The following ZBTB48 variants were observed in gnomAD, a reference collection of about 807,000 sequenced individuals.
ZBTB48 encodes the protein zinc finger and BTB domain containing 48.
ZBTB48 carries 35 observed loss-of-function variants against 64.5 expected under a neutral mutation model. That is an observed-to-expected ratio of 0.54 (90% CI 0.41 to 0.72). The LOEUF (loss-of-function observed/expected upper bound fraction) is 0.72. Among genes scored for constraint, ZBTB48 ranks in the 30% least tolerant of loss-of-function variants. The pLI is 0.00. For synonymous variants in ZBTB48, 442 were observed against 356.7 expected, an observed-to-expected ratio of 1.24 and a Z score of -2.70; for missense variants, 828 against 895.3, an observed-to-expected ratio of 0.92 and a Z score of 0.96.
At chr1:6,586,572 C>G in intron 4 of ZBTB48, 123 bp from the exon 5 acceptor site, 1 of 1,368,348 alleles carries the variant, frequency 7.3e-7, no homozygotes, top group South Asian at 1.5e-5. Context: ...CCTCTCCCAC[C>G]CTAGCGTCCC....
Position 6,581,215 on chromosome 1 carries a change from T to G in ZBTB48, c.606T>G (p.Leu202=), listed in dbSNP as rs760974715. 11 of 1,613,224 alleles carry G rather than the reference T, an allele frequency of 6.8e-6. No homozygotes were observed. In the South Asian group the frequency reaches 1.1e-4, roughly 16 times the overall value. Residue 202 remains leucine (L), a synonymous_variant, in exon 2 of 11, where the codon CTT becomes CTG. Coordinates refer to ENST00000377674, the MANE Select transcript of ZBTB48 (RefSeq NM_005341.4). The part of the protein sequence containing the change: ...KLKQALKPCP[L]EDKKPEDCKV... ...AGCAGGCCTTGAAGCCTTGTCCCCTTGAGGACAAGAAACCCGAGGACTGCA... is the reference window on the plus strand; with the variant it reads ...AGCAGGCCTTGAAGCCTTGTCCCCTGGAGGACAAGAAACCCGAGGACTGCA...
In ZBTB48 at chr1:6,580,562, C is replaced by T. The variant is rs370402609; in HGVS notation, c.-48C>T. The T allele has an allele frequency of 5.7e-6, 9 of 1,571,160 alleles. No homozygotes were observed. Among genetic ancestry groups the T allele is most frequent in the Non-Finnish European group, 6.9e-6 (8 of 1,155,546 alleles). On this transcript the variant is annotated 5_prime_UTR_variant, in exon 2 of 11. Coordinates refer to ENST00000377674, the MANE Select transcript of ZBTB48 (RefSeq NM_005341.4). This position sits in a 1 kb window ranked among gnomAD's most constrained non-coding sequence, Gnocchi z 5.2. ...CCAGGAGCTTTCTCTTGCATACCCT[C>T]GCTTAGGCTGGCCGGGGTGTCACTT...
Position 6,580,730 on chromosome 1 carries a change from T to G in ZBTB48, c.121T>G (p.Trp41Gly). 1.2e-6 allele frequency: 2 copies of G among 1,614,168 alleles called. No homozygotes were observed. The highest frequency in any genetic ancestry group is 8.5e-7 in the Non-Finnish European group (1 of 1,180,040). ...DVGGLVFKAHWSVLACCSHFF... is the reference protein window; with the variant it reads ...DVGGLVFKAHGSVLACCSHFF... ...GGGGGGCCTGGTGTTTAAGGCACACTGGAGTGTCCTTGCCTGCTGCAGTCA... is the reference window on the plus strand; with the variant it reads ...GGGGGGCCTGGTGTTTAAGGCACACGGGAGTGTCCTTGCCTGCTGCAGTCA... Residue 41 changes from tryptophan (W) to glycine (G), a missense_variant, in exon 2 of 11, where the codon TGG (tryptophan) becomes GGG (glycine). Coordinates refer to ENST00000377674, the MANE Select transcript of ZBTB48 (RefSeq NM_005341.4). This position sits in a 1 kb window ranked among gnomAD's most constrained non-coding sequence, Gnocchi z 5.2.
rs1640797668 is a variant in ZBTB48, at chr1:6,589,272, ACT to A, written c.*64_*65del. ...CCCTCAATAAACCGTGTGGCTTTGGACTCTCGTATTTCAGCCTGACAGTCTGT... is the reference window on the plus strand; with the variant it reads ...CCCTCAATAAACCGTGTGGCTTTGGACTCGTATTTCAGCCTGACAGTCTGT... On this transcript the variant is annotated 3_prime_UTR_variant, in exon 11 of 11. Coordinates refer to ENST00000377674, the MANE Select transcript of ZBTB48 (RefSeq NM_005341.4). The A allele has an allele frequency of 6.9e-7, 1 of 1,457,458 alleles. No individual in the cohort carries two copies. The highest frequency in any genetic ancestry group is 9.0e-7 in the Non-Finnish European group (1 of 1,110,942). 90.3% of individuals were successfully genotyped at this position (1,457,458 alleles called of 1,614,324 possible).
rs748441279 is a variant in ZBTB48 at position 6,588,945 on chromosome 1, C to T, written c.1800C>T (p.His600=). 31 of 1,610,864 alleles carry T rather than the reference C, an allele frequency of 1.9e-5. No individual in the cohort carries two copies. Among genetic ancestry groups the T allele is most frequent in the Middle Eastern group, 3.3e-4 (2 of 6,070 alleles). ...ACCTGCGGAGGCACATGGAGATCCACGACCGGGTAGAGAACTACAACCCGC... is the reference window on the plus strand; with the variant it reads ...ACCTGCGGAGGCACATGGAGATCCATGACCGGGTAGAGAACTACAACCCGC... The part of the protein sequence containing the change: ...QAHLRRHMEI[H]DRVENYNPRQ... Residue 600 remains histidine (H), a synonymous_variant, in exon 11 of 11, where the codon CAC becomes CAT. Transcript: ENST00000377674.
rs141795995 is a variant in ZBTB48, at chr1:6,589,058, C to T, written c.1913C>T (p.Ser638Leu). The change falls in exon 11 of 11, where the codon TCG becomes TTG. Residue 638 changes from serine to leucine, a missense_variant. By Grantham distance (145) the Ser-to-Leu change is moderately radical (BLOSUM62 -2). Transcript: ENST00000377674. ...CCGCCTGCAGAGCTGGAGGTGGGCT[C>T]GGCGGAGGTCATTGTGGAGTCCCTG... ...LQPPAELEVG[S>L]AEVIVESLAQ... 18 of 1,603,358 alleles carry T rather than the reference C, an allele frequency of 1.1e-5. No homozygotes were observed. Among genetic ancestry groups the T allele is most frequent in the African/African-American group, 4.0e-5 (3 of 74,420 alleles).
chr1:6,581,000 G>C lies in ZBTB48; in HGVS notation c.391G>C (p.Gly131Arg), dbSNP rs200132214. ...GGCAGCAGGTGGCCAGAGTGGGCTGGGGCCCCCTGCCTCCCAGAATGTGAA... is the reference window on the plus strand; with the variant it reads ...GGCAGCAGGTGGCCAGAGTGGGCTGCGGCCCCCTGCCTCCCAGAATGTGAA... ...GQAAGGQSGL[G>R]PPASQNVNSH... is the part of the protein sequence containing the mutation. Residue 131 changes from glycine (G) to arginine (R), a missense_variant, in exon 2 of 11, where the codon GGG (glycine) becomes CGG (arginine). By Grantham distance (125) the Gly-to-Arg change is moderately radical. Transcript: ENST00000377674. The surrounding 1 kb of genome is among the most constrained non-coding windows in gnomAD (Gnocchi z 5.2). 8.3e-4 allele frequency: 1,346 copies of C among 1,613,504 alleles called. 24 individuals carry two copies. In the South Asian group the frequency reaches 0.011, roughly 13 times the overall value.
At position 6,580,174 on chromosome 1, in the gene ZBTB48, G is replaced by A. The variant is rs12043218; in HGVS notation, c.-70+38G>A. On this transcript the variant is annotated intron_variant, in intron 1 of 10. Transcript: ENST00000377674. This position sits in a 1 kb window ranked among gnomAD's most constrained non-coding sequence, Gnocchi z 5.2. ...CGGGGTGAGGGAGGGAGGGGCTGCG[G>A]GCCGCCGTGGCTGCCTTCCGCTCGG... 0.012 allele frequency: 2,352 copies of A among 195,804 alleles called. 49 individuals are homozygous for A. The highest frequency in any genetic ancestry group is 0.046 in the African/African-American group (1,947 of 42,124). 12.1% of individuals were successfully genotyped at this position (195,804 alleles called of 1,614,324 possible).
chr1:6,583,390 T>G (rs891306317), intron 3 of ZBTB48, among the ~76,000 whole-genome samples: 2 of 152,108 alleles, frequency 1.3e-5, no homozygotes, highest in African/African-American at 4.8e-5. Flanking sequence ...AACCTCCGCC[T>G]CCTGGGTTCA....
chr1:6,587,683 C>T (rs769577262), intron 7 of ZBTB48, 51 bp downstream of exon 7: 2 of 1,603,964 alleles, frequency 1.2e-6, no homozygotes, highest in African/African-American at 2.7e-5. Context: ...CCAGCCCAGG[C>T]TTGCACCGGC....
chr1:6,588,298 C>G lies in ZBTB48; in HGVS notation c.1537C>G (p.Arg513Gly), dbSNP rs1347744730. The G allele has an allele frequency of 1.2e-6, 2 of 1,607,914 alleles. No homozygotes were observed. The highest frequency in any genetic ancestry group is 1.7e-6 in the Non-Finnish European group (2 of 1,175,496). The change falls in exon 9 of 11, where the codon CGC becomes GGC. Residue 513 changes from arginine (R) to glycine (G), a missense_variant. Coordinates refer to ENST00000377674, the MANE Select transcript of ZBTB48 (RefSeq NM_005341.4). ...RTQASLDKHN[R>G]THTGERPFSC... is the part of the protein sequence containing the mutation. ...TGCAGCCAGCCTGGACAAGCACAACCGCACCCACACCGGGGAAAGGCCCTT... is the reference window on the plus strand; with the variant it reads ...TGCAGCCAGCCTGGACAAGCACAACGGCACCCACACCGGGGAAAGGCCCTT...
Position 6,588,197 on chromosome 1 carries a change from G to A in ZBTB48, c.1516+1G>A. ...TGTGGCAAGACCTTCCGAACCCAAGGTGAGGTACGCCCTGCCCCTCCCCTC... is the reference window on the plus strand; with the variant it reads ...TGTGGCAAGACCTTCCGAACCCAAGATGAGGTACGCCCTGCCCCTCCCCTC... On this transcript the variant is annotated splice_donor_variant, in intron 8 of 10. Coordinates refer to ENST00000377674, the MANE Select transcript of ZBTB48 (RefSeq NM_005341.4). LOFTEE classifies it high-confidence loss of function. The A allele has an allele frequency of 6.2e-7, 1 of 1,614,044 alleles. No homozygotes were observed. Among genetic ancestry groups the A allele is most frequent in the Non-Finnish European group, 8.5e-7 (1 of 1,180,022 alleles).
At chr1:6,586,496 A>G (rs550950388) in intron 4 of ZBTB48, 199 bp from the exon 5 acceptor site, 3 of 1,168,206 alleles carry the variant, frequency 2.6e-6, no homozygotes, top group South Asian at 3.6e-5. Flanking sequence ...TGGGCCTGAG[A>G]AGGGCCTGGT....
At chr1:6,586,985 T>C (rs1352074627) in intron 5 of ZBTB48, 198 bp downstream of exon 5, 7 of 858,044 alleles carry the variant, frequency 8.2e-6, no homozygotes, top group Non-Finnish European at 1.2e-5. Context: ...AAGGTCCTTA[T>C]TAGGCCCTTG....
rs1804904 is a variant in ZBTB48 at position 6,589,113 on chromosome 1, C to T, written c.1968C>T (p.Pro656=). 6.0e-3 allele frequency: 9,625 copies of T among 1,607,230 alleles called. 38 individuals are homozygous for T. The highest frequency in any genetic ancestry group is 7.2e-3 in the Non-Finnish European group (8,446 of 1,177,548). The part of the protein sequence containing the change: ...LAQGGLASQL[P]GQRLCAEESF... Reference sequence around the variant, plus strand: ...AGGGCGGCCTGGCCTCCCAGCTCCCCGGCCAGAGACTGTGTGCAGAGGAGA... The same window carrying T: ...AGGGCGGCCTGGCCTCCCAGCTCCCTGGCCAGAGACTGTGTGCAGAGGAGA... Residue 656 remains proline (P), a synonymous_variant, in exon 11 of 11, where the codon CCC becomes CCT. Coordinates refer to ENST00000377674, the MANE Select transcript of ZBTB48 (RefSeq NM_005341.4).
chr1:6,586,986 TAGGCCCTTGTTTCTTTCCATGGAGGAC>T, intron 5 of ZBTB48, 192 bp from the exon 6 acceptor site: 1 of 852,332 alleles, frequency 1.2e-6, no homozygotes, highest in Non-Finnish European at 1.9e-6. Flanking sequence ...AGGTCCTTAT[TAGGCCCTTGTTTCTTTCCATGGAGGAC>T]AGGCTTGGCA....
At position 6,587,566 on chromosome 1, in the gene ZBTB48, G is replaced by A. The variant is rs1169747804; in HGVS notation, c.1313G>A (p.Cys438Tyr). 6.2e-7 allele frequency: 1 copy of A among 1,614,032 alleles called. No homozygotes were observed. The highest frequency in any genetic ancestry group is 8.5e-7 in the Non-Finnish European group (1 of 1,180,034). ...CACCGTGGTGAGAAGCTGTTTGTGT[G>A]TGAGGAGTGTGGGCACCGGGCCTCG... The part of the protein sequence containing the change: ...FKHRGEKLFV[C>Y]EECGHRASSR... The change falls in exon 7 of 11, where the codon TGT (cysteine) becomes TAT (tyrosine). Residue 438 changes from cysteine to tyrosine, a missense_variant. Physicochemically the swap from Cys to Tyr is radical, Grantham distance 194. Coordinates refer to ENST00000377674, the MANE Select transcript of ZBTB48 (RefSeq NM_005341.4).
chr1:6,588,427 G>A lies in ZBTB48; in HGVS notation c.1666G>A (p.Gly556Ser), dbSNP rs1394748860. ...EGRPHFCQICGKTFKAVEQLR... is the reference protein window; with the variant it reads ...EGRPHFCQICSKTFKAVEQLR... Reference sequence around the variant, plus strand: ...CCGGCCCCACTTCTGCCAGATATGCGGCAAGACCTTCAAAGGTACCTGGGC... The same window carrying A: ...CCGGCCCCACTTCTGCCAGATATGCAGCAAGACCTTCAAAGGTACCTGGGC... Residue 556 changes from glycine (G) to serine (S), a missense_variant, in exon 9 of 11, where the codon GGC (glycine) becomes AGC (serine). Physicochemically the swap from Gly to Ser is moderately conservative, Grantham distance 56. Coordinates refer to ENST00000377674, the MANE Select transcript of ZBTB48 (RefSeq NM_005341.4). 10 of 1,550,182 alleles carry A rather than the reference G, an allele frequency of 6.5e-6. No individual in the cohort carries two copies. Among genetic ancestry groups the A allele is most frequent in the East Asian group, 2.3e-5 (1 of 43,640 alleles).
At position 6,586,589 on chromosome 1, in the gene ZBTB48, C is replaced by T. The variant is rs1050959996; in HGVS notation, c.1045-106C>T. ...TCTCCCACCCTAGCGTCCCCACCCT[C>T]CCCAGGCAGACTCTTCCCAGCAGCA... On this transcript the variant is annotated intron_variant, in intron 4 of 10. Transcript: ENST00000377674. 3.0e-6 allele frequency: 4 copies of T among 1,334,454 alleles called. No homozygotes were observed. In the Admixed American group the frequency reaches 1.2e-4, roughly 42 times the overall value. 82.7% of individuals were successfully genotyped at this position (1,334,454 alleles called of 1,614,324 possible). A position where few individuals can be genotyped will look rare whatever the true frequency, so the allele number is the denominator to read the frequency against.
Sources: gnomAD v4.1 joint callset for allele counts (sites outside exome capture counted in the v4.1 genomes callset) on GRCh38, gnomAD v4.1.1 for gene constraint, Gnocchi (gnomAD v3.1) non-coding constraint, MANE v1.5 for transcripts, NCBI Gene and HGNC (gene_info 2026-07-23, HGNC 2026-07-21) for gene names.